Variants in CDC42SE2 observed in about 807,000 individuals in gnomAD.
CDC42SE2 encodes the protein CDC42 small effector protein 2.
A neutral mutation model predicts 11.5 loss-of-function variants in CDC42SE2; 3 were observed. That is an observed-to-expected ratio of 0.26 (90% confidence interval 0.12 to 0.67). CDC42SE2 has a LOEUF of 0.67. CDC42SE2 is among the 30% of genes least tolerant of loss of function. CDC42SE2 has a pLI of 0.80. For synonymous variants in CDC42SE2, 33 were observed against 34.8 expected, an observed-to-expected ratio of 0.95 and a Z score of 0.18; for missense variants, 82 against 106.8, an observed-to-expected ratio of 0.77 and a Z score of 1.02.
At chr5:131,311,530 CAG>C (rs1757914032) in intron 1 of CDC42SE2, among the ~76,000 whole-genome samples, 1 of 151,962 alleles carries the variant, frequency 6.6e-6, no homozygotes, top group Non-Finnish European at 1.5e-5. Flanking sequence ...TAATATCCTG[CAG>C]AGTGTTTTCC....
chr5:131,288,513 T>C (rs1208501904), intron 1 of CDC42SE2, among the ~76,000 whole-genome samples: 1 of 152,160 alleles, frequency 6.6e-6, no homozygotes, highest in Non-Finnish European at 1.5e-5. Flanking sequence ...CCTTTTTTTT[T>C]AGAGAGAGCC....
rs557356607 is a variant in CDC42SE2 at position 131,341,770 on chromosome 5, A to G, written c.-285-17439A>G. On this transcript the variant is annotated intron_variant, in intron 2 of 4. Coordinates refer to ENST00000505065, the MANE Select transcript of CDC42SE2 (RefSeq NM_001375635.1). ...AGCAGTTATTCAGAGAAAACAAAAGATTATTTAAGAAAAGATAGGACGGCT... is the reference window on the plus strand; with the variant it reads ...AGCAGTTATTCAGAGAAAACAAAAGGTTATTTAAGAAAAGATAGGACGGCT... Among the ~76,000 whole-genome samples, 9 of 152,250 alleles carry G rather than the reference A, an allele frequency of 5.9e-5. No homozygotes were observed. The East Asian group carries it at 1.7e-3, about 29-fold the overall frequency.
In CDC42SE2 at chr5:131,296,057, G is replaced by A. The variant is rs145821654; in HGVS notation, c.-454-19919G>A. ...TCAAAATATGTACAATATAAAATAC[G>A]AACACGACTGTCCTGTAACACATGG... On this transcript the variant is annotated intron_variant, in intron 1 of 4. Transcript: ENST00000505065. Among the ~76,000 whole-genome samples the A allele has an allele frequency of 4.3e-3, 654 of 152,236 alleles. 4 individuals are homozygous for A. Among genetic ancestry groups the A allele is most frequent in the African/African-American group, 0.013 (550 of 41,534 alleles).
At chr5:131,271,617 C>T (rs935873563) in intron 1 of CDC42SE2, among the ~76,000 whole-genome samples, 3 of 152,046 alleles carry the variant, frequency 2.0e-5, no homozygotes, top group African/African-American at 4.8e-5. Context: ...CCATGGATAC[C>T]GAGGGATGGC....
At chr5:131,239,797 T>C in the CDC42SE2 span, among the ~76,000 whole-genome samples, 1 of 152,240 alleles carries the variant, frequency 6.6e-6, no homozygotes, top group Non-Finnish European at 1.5e-5. Context: ...ACTTTAAGTC[T>C]GGTTTCTCAT....
intron 3 of CDC42SE2, among the ~76,000 whole-genome samples, chr5:131,381,791 T>A (rs1399413308): frequency 6.6e-6 from 1 of 152,260 alleles, no homozygotes; most frequent in Non-Finnish European, 1.5e-5. Flanking sequence ...CTCAAGCTAT[T>A]TAATCATGTT....
the CDC42SE2 span, among the ~76,000 whole-genome samples, chr5:131,238,362 G>C: frequency 6.6e-6 from 1 of 151,988 alleles, no homozygotes; most frequent in Non-Finnish European, 1.5e-5. Flanking sequence ...AATTAGCCGG[G>C]CGTGGTGGCG....
chr5:131,213,180 C>T, the CDC42SE2 span, among the ~76,000 whole-genome samples: 10 of 151,874 alleles, frequency 6.6e-5, no homozygotes, highest in Middle Eastern at 3.2e-3. Flanking sequence ...GCAACAAGAG[C>T]GAAACTCCCA....
intron 1 of CDC42SE2, among the ~76,000 whole-genome samples, chr5:131,285,983 TCTAA>T (rs1757331433): frequency 6.6e-6 from 1 of 152,048 alleles, no homozygotes; most frequent in Non-Finnish European, 1.5e-5. Context: ...TAAGAGGCTG[TCTAA>T]CTAGCAGAAC....
chr5:131,276,448 C>CAA (rs1239749644), intron 1 of CDC42SE2, among the ~76,000 whole-genome samples: 2 of 124,630 alleles, frequency 1.6e-5, no homozygotes, highest in African/African-American at 3.0e-5. Flanking sequence ...GACCCTGTTT[C>CAA]AAAAAAAAAA....
At chr5:131,359,599 A>T in intron 3 of CDC42SE2, 52 bp downstream of exon 3, 1 of 1,321,150 alleles carries the variant, frequency 7.6e-7, no homozygotes, top group South Asian at 1.2e-5. Flanking sequence ...TAAACTTTCC[A>T]CTGGTTCTCA....
intron 4 of CDC42SE2, among the ~76,000 whole-genome samples, chr5:131,388,926 A>G (rs1205435986): frequency 1.3e-5 from 2 of 152,082 alleles, no homozygotes; most frequent in East Asian, 1.9e-4. Flanking sequence ...TTGACCGCCT[A>G]GGCTCAATCG....
chr5:131,383,780 A>G (rs1750393517), intron 3 of CDC42SE2, among the ~76,000 whole-genome samples: 1 of 152,208 alleles, frequency 6.6e-6, no homozygotes, highest in South Asian at 2.1e-4. Context: ...CTTTCATGCT[A>G]CAATAGCAGA....
intron 1 of CDC42SE2, among the ~76,000 whole-genome samples, chr5:131,278,002 C>A (rs1757138900): frequency 6.6e-6 from 1 of 151,508 alleles, no homozygotes; most frequent in Non-Finnish European, 1.5e-5. Context: ...ATTCCCCCCA[C>A]TTTTTTTTTG....
At position 131,385,660 on chromosome 5, in the gene CDC42SE2, G is replaced by A. The variant is rs554985721; in HGVS notation, c.156+16G>A. The A allele has an allele frequency of 1.3e-6, 2 of 1,525,800 alleles. No homozygotes were observed. The highest frequency in any genetic ancestry group is 1.1e-5 in the South Asian group (1 of 88,714). The allele number at this position is 1,525,800 out of a possible 1,614,324, so 94.5% of individuals were successfully genotyped here. On this transcript the variant is annotated intron_variant, in intron 4 of 4. Coordinates refer to ENST00000505065, the MANE Select transcript of CDC42SE2 (RefSeq NM_001375635.1). ...AATGAATTCAGTAAGTATGTTGGTG[G>A]GACATGCAGGTAGGGCATTGGGGCA...
intron 2 of CDC42SE2, among the ~76,000 whole-genome samples, chr5:131,341,943 T>C (rs1580766426): frequency 6.6e-6 from 1 of 151,052 alleles, no homozygotes; most frequent in African/African-American, 2.4e-5. Flanking sequence ...GTCTAAAAAT[T>C]GATAATTTGA....
chr5:131,244,823 A>AG (rs1756567823), upstream of CDC42SE2, among the ~76,000 whole-genome samples: 1 of 152,156 alleles, frequency 6.6e-6, no homozygotes, highest in Non-Finnish European at 1.5e-5. Flanking sequence ...ATCACTCTGA[A>AG]GGGGGGTGGA....
intron 1 of CDC42SE2, among the ~76,000 whole-genome samples, chr5:131,280,857 G>T (rs1301982714): frequency 6.6e-6 from 1 of 152,110 alleles, no homozygotes; most frequent in African/African-American, 2.4e-5. Flanking sequence ...ATTAGATATT[G>T]CTACCCTTTT....
intron 1 of CDC42SE2, among the ~76,000 whole-genome samples, chr5:131,304,261 G>A (rs1309315950): frequency 6.6e-6 from 1 of 152,040 alleles, no homozygotes; most frequent in Non-Finnish European, 1.5e-5. Flanking sequence ...TGGCATTACA[G>A]GCATGAGACA....
Sources: gnomAD v4.1 joint callset for allele counts (sites outside exome capture counted in the v4.1 genomes callset) on GRCh38, gnomAD v4.1.1 for gene constraint, MANE v1.5 for transcripts, NCBI Gene and HGNC (gene_info 2026-07-23, HGNC 2026-07-21) for gene names.